The following PODXL2 variants were observed in gnomAD, a reference collection of about 807,000 sequenced individuals.
The protein encoded by PODXL2 is podocalyxin-like protein 2.
Under a neutral mutation model 53.4 loss-of-function variants are expected in PODXL2, and 17 were observed. The ratio of observed to expected loss-of-function variants is 0.32; its 90% CI spans 0.22 to 0.48. The LOEUF (loss-of-function observed/expected upper bound fraction) is 0.48, where lower values mean the gene tolerates loss of function less well. Among genes scored for constraint, PODXL2 ranks in the 20% least tolerant of loss-of-function variants. PODXL2 has a pLI of 0.99. For synonymous variants in PODXL2, 311 were observed against 306.7 expected, an observed-to-expected ratio of 1.01 and a Z score of -0.15; for missense variants, 673 against 760.0, an observed-to-expected ratio of 0.89 and a Z score of 1.35.
intron 2 of PODXL2, among the ~76,000 whole-genome samples, chr3:127,652,201 C>T (rs990106022): frequency 1.3e-5 from 2 of 152,350 alleles, no homozygotes; most frequent in African/African-American, 2.4e-5. Context: ...ATCCTCCTCT[C>T]CTGGGCTCCC....
rs375510512 is a variant in PODXL2, at chr3:127,633,134, C to A, written c.70+3845C>A. 1.2e-4 allele frequency among the ~76,000 whole-genome samples: 19 copies of A among 152,296 alleles called. No homozygotes were observed. The Middle Eastern group carries it at 0.01, about 82-fold the overall frequency. On this transcript the variant is annotated intron_variant, in intron 1 of 7. Transcript: ENST00000342480. ...TTGGTCTTTTTCAAGAGAAGAGATT[C>A]CTTCAATTGATTGGATTGGTTGTGG... is the stretch of plus-strand genomic sequence containing the variant.
chr3:127,669,090 G>C (rs776585605), intron 5 of PODXL2, 51 bp from the exon 6 acceptor site: 5 of 1,304,454 alleles, frequency 3.8e-6, no homozygotes, highest in Non-Finnish European at 5.4e-6. Context: ...CCTTGGAGGG[G>C]CACGCACCTC....
chr3:127,656,317 C>T (rs892425760), intron 2 of PODXL2, among the ~76,000 whole-genome samples: 1 of 152,186 alleles, frequency 6.6e-6, no homozygotes, highest in Non-Finnish European at 1.5e-5. Flanking sequence ...AGGCCAGGTG[C>T]AGTGGCTCAT....
chr3:127,672,271 C>G lies in PODXL2; in HGVS notation c.1609C>G (p.His537Asp), dbSNP rs2074852861. Residue 537 changes from histidine to aspartate, a missense_variant, in exon 8 of 8, where the codon CAC (histidine) becomes GAC (aspartate). Transcript: ENST00000342480. Reference sequence around the variant, plus strand: ...GCCTCTCCCCACCCCGCCTCAGTCGCACGGCGAGGAGCTGCGCTTCGTGGA... The same window carrying G: ...GCCTCTCCCCACCCCGCCTCAGTCGGACGGCGAGGAGCTGCGCTTCGTGGA... ...RRLPKLKHVSHGEELRFVENG... is the reference protein window; with the variant it reads ...RRLPKLKHVSDGEELRFVENG... 1.3e-6 allele frequency: 2 copies of G among 1,543,556 alleles called. No individual in the cohort carries two copies. Among genetic ancestry groups the G allele is most frequent in the African/African-American group, 2.7e-5 (2 of 73,154 alleles).
At chr3:127,649,382 C>T (rs1032349223) in intron 2 of PODXL2, among the ~76,000 whole-genome samples, 7 of 152,310 alleles carry the variant, frequency 4.6e-5, no homozygotes, top group Non-Finnish European at 7.3e-5. Flanking sequence ...TGACTGTGAG[C>T]GTCCCTAATC....
intron 2 of PODXL2, among the ~76,000 whole-genome samples, chr3:127,642,729 T>A (rs1032230341): frequency 6.6e-6 from 1 of 152,230 alleles, no homozygotes; most frequent in African/African-American, 2.4e-5. Context: ...ACAGAATATG[T>A]GTATTCTATA....
intron 2 of PODXL2, among the ~76,000 whole-genome samples, chr3:127,653,570 C>G (rs1227796947): frequency 6.6e-6 from 1 of 151,910 alleles, no homozygotes; most frequent in Non-Finnish European, 1.5e-5. Context: ...TGCTTGAACC[C>G]AGGAGGCGGA....
chr3:127,646,386 GA>G (rs1406492191), intron 2 of PODXL2, among the ~76,000 whole-genome samples: 6 of 150,630 alleles, frequency 4.0e-5, no homozygotes, highest in African/African-American at 1.2e-4. Flanking sequence ...TTTTTCCATA[GA>G]TTTTTTTTTT....
At chr3:127,655,192 C>A (rs555052894) in intron 2 of PODXL2, among the ~76,000 whole-genome samples, 3 of 151,974 alleles carry the variant, frequency 2.0e-5, no homozygotes, top group Non-Finnish European at 1.5e-5. Context: ...ATCCACCCCC[C>A]GCTTGGCCTC....
Position 127,668,573 on chromosome 3 carries a change from C to G in PODXL2, c.1339C>G (p.Leu447Val). ...SKPSEKEQHL[L>V]MTLVGEQGVV... ...GCCCAGCGAGAAGGAGCAGCACCTT[C>G]TCATGACACTGGTGGGCGAGCAGGG... Residue 447 changes from leucine (L) to valine (V), a missense_variant, in exon 5 of 8, where the codon CTC becomes GTC. Physicochemically the swap from Leu to Val is conservative, Grantham distance 32. Transcript: ENST00000342480. 2 of 1,556,870 alleles carry G rather than the reference C, an allele frequency of 1.3e-6. No homozygotes were observed. The highest frequency in any genetic ancestry group is 8.7e-7 in the Non-Finnish European group (1 of 1,149,604).
intron 4 of PODXL2, among the ~76,000 whole-genome samples, chr3:127,664,858 T>C (rs1301549813): frequency 6.6e-6 from 1 of 152,212 alleles, no homozygotes; most frequent in Non-Finnish European, 1.5e-5. Flanking sequence ...GTCATTATTA[T>C]TAACAGTCAA....
intron 1 of PODXL2, among the ~76,000 whole-genome samples, chr3:127,631,713 G>T (rs1316466322): frequency 6.6e-6 from 1 of 152,124 alleles, no homozygotes; most frequent in Non-Finnish European, 1.5e-5. Flanking sequence ...CTACTATTTT[G>T]GTGTCATCTT....
At chr3:127,633,840 G>A (rs985268227) in intron 1 of PODXL2, among the ~76,000 whole-genome samples, 1 of 151,812 alleles carries the variant, frequency 6.6e-6, no homozygotes, top group Non-Finnish European at 1.5e-5. Context: ...AAAGCTTCTC[G>A]GAAGCTGAGA....
chr3:127,639,582 A>G, intron 2 of PODXL2, 59 bp downstream of exon 2: 1 of 1,452,926 alleles, frequency 6.9e-7, no homozygotes, highest in East Asian at 2.3e-5. Context: ...TAGGCAAAAC[A>G]CCAGGTGACC....
chr3:127,637,888 A>G (rs945814405), intron 1 of PODXL2, among the ~76,000 whole-genome samples: 1 of 152,220 alleles, frequency 6.6e-6, no homozygotes, highest in East Asian at 1.9e-4. Flanking sequence ...GCACGTATCA[A>G]GCTTAGGGCC....
At chr3:127,638,873 G>A (rs972881440) in intron 1 of PODXL2, among the ~76,000 whole-genome samples, 1 of 152,174 alleles carries the variant, frequency 6.6e-6, no homozygotes, top group African/African-American at 2.4e-5. Context: ...GTCCTTAAAA[G>A]CATGGGCCCT....
chr3:127,649,424 T>C (rs2074675541), intron 2 of PODXL2, among the ~76,000 whole-genome samples: 1 of 152,204 alleles, frequency 6.6e-6, no homozygotes, highest in Non-Finnish European at 1.5e-5. Context: ...AGAAGTGAGA[T>C]TGTAGGTTCA....
In PODXL2 at chr3:127,660,497, C is replaced by A; in HGVS notation, c.469C>A (p.His157Asn). The A allele has an allele frequency of 6.2e-7, 1 of 1,614,050 alleles. No homozygotes were observed. Among genetic ancestry groups the A allele is most frequent in the Non-Finnish European group, 8.5e-7 (1 of 1,179,974 alleles). The change falls in exon 3 of 8, where the codon CAT becomes AAT. Residue 157 changes from histidine (H) to asparagine (N), a missense_variant. This residue lies in a region of PODXL2 where 588 missense variants were observed against 668.3 expected (regional missense o/e 0.88). Coordinates refer to ENST00000342480, the MANE Select transcript of PODXL2 (RefSeq NM_015720.4). ...PKMNLVEPPWHMPPREEEEEE... is the reference protein window; with the variant it reads ...PKMNLVEPPWNMPPREEEEEE... ...GATGAATCTGGTTGAGCCTCCCTGG[C>A]ATATGCCTCCCAGAGAGGAGGAAGA...
chr3:127,635,639 G>A (rs1204348059), intron 1 of PODXL2, among the ~76,000 whole-genome samples: 1 of 152,168 alleles, frequency 6.6e-6, no homozygotes, highest in Non-Finnish European at 1.5e-5. Flanking sequence ...CATCACCTGG[G>A]AACTTGCTAG....
Sources: allele counts gnomAD v4.1 joint callset (sites outside exome capture counted in the v4.1 genomes callset), GRCh38; gene constraint gnomAD v4.1.1; regional missense constraint gnomAD v4.1.1; transcripts MANE v1.5; gene names NCBI Gene and HGNC (gene_info 2026-07-23, HGNC 2026-07-21).